The following ZNF385D variants were observed in gnomAD, a reference collection of about 807,000 sequenced individuals.
ZNF385D encodes the protein zinc finger protein 659.
In ZNF385D, 15 loss-of-function variants were observed where a neutral mutation model predicts 35.8. The observed-to-expected ratio is 0.42, with a 90% confidence interval of 0.28 to 0.64. The LOEUF (loss-of-function observed/expected upper bound fraction) is 0.64, where lower values mean the gene tolerates loss of function less well. Ranked by LOEUF, ZNF385D falls within the 30% of genes least tolerant of loss-of-function variation. ZNF385D has a pLI of 0.23. For missense variants in ZNF385D, 474 were observed against 494.6 expected, an observed-to-expected ratio of 0.96 and a Z score of 0.39; for synonymous variants, 212 against 186.8, an observed-to-expected ratio of 1.13 and a Z score of -1.10.
chr3:21,559,155 A>C (rs937779291), intron 3 of ZNF385D, among the ~76,000 whole-genome samples: 1 of 152,090 alleles, frequency 6.6e-6, no homozygotes, highest in African/African-American at 2.4e-5. Flanking sequence ...TGGGGCATCT[A>C]GTCCTTTTAC....
upstream of ZNF385D, among the ~76,000 whole-genome samples, chr3:21,754,209 A>T (rs146437302): frequency 8.0e-4 from 122 of 152,300 alleles, 1 homozygote; most frequent in African/African-American, 2.9e-3. Context: ...ATGAAACCAC[A>T]GCTGATCTTG....
rs1028403312 is a variant in ZNF385D, at chr3:21,592,574, A to G, written c.166-27890T>C. Among the ~76,000 whole-genome samples the G allele has an allele frequency of 5.4e-5, 8 of 148,322 alleles. No individual in the cohort carries two copies. In the East Asian group the frequency reaches 6.1e-4, roughly 11 times the overall value. Reference sequence around the variant, plus strand: ...AAAAAAACCAAAAACAAAAAAAAAAAACAATTATTGCATTATGTGTAATTT... The same window carrying G: ...AAAAAAACCAAAAACAAAAAAAAAAGACAATTATTGCATTATGTGTAATTT... On this transcript the variant is annotated intron_variant, in intron 2 of 7. Coordinates refer to ENST00000281523, the MANE Select transcript of ZNF385D (RefSeq NM_024697.3).
intron 3 of ZNF385D, among the ~76,000 whole-genome samples, chr3:21,969,142 G>A (rs1442286447): frequency 6.6e-6 from 1 of 152,162 alleles, no homozygotes; most frequent in Non-Finnish European, 1.5e-5. Context: ...GTAAAATGGG[G>A]AGGAAAGAAT....
chr3:22,247,183 T>A (rs970575965), intron 2 of ZNF385D, among the ~76,000 whole-genome samples: 3 of 152,156 alleles, frequency 2.0e-5, no homozygotes, highest in Non-Finnish European at 2.9e-5. Context: ...TTATTTCCTA[T>A]TGTTTTTGAT....
rs1333520996 is a variant in ZNF385D, at chr3:21,417,361, C to G, written c.*3853G>C. ...TCAGGGACAAAGTCTACAATAGACTCTGGCTACTCTAAGGCTCCTCATTGC... is the reference window on the plus strand; with the variant it reads ...TCAGGGACAAAGTCTACAATAGACTGTGGCTACTCTAAGGCTCCTCATTGC... On this transcript the variant is annotated 3_prime_UTR_variant, in exon 8 of 8. Coordinates refer to ENST00000281523, the MANE Select transcript of ZNF385D (RefSeq NM_024697.3). 1 of 152,082 alleles carries G rather than the reference C, an allele frequency of 6.6e-6. No homozygotes were observed. Among genetic ancestry groups the G allele is most frequent in the Non-Finnish European group, 1.5e-5 (1 of 67,992 alleles). The allele number at this position is 152,082 out of a possible 1,614,324, so 9.4% of individuals were successfully genotyped here.
At chr3:21,915,641 GA>G (rs1052523498) in intron 3 of ZNF385D, among the ~76,000 whole-genome samples, 12 of 151,270 alleles carry the variant, frequency 7.9e-5, no homozygotes, top group Middle Eastern at 6.8e-3. Context: ...CATACACAAA[GA>G]AAAAAAACAA....
At position 21,693,908 on chromosome 3, in the gene ZNF385D, TCTCA is replaced by T. The variant is rs368098789; in HGVS notation, c.23-28884_23-28881del. On this transcript the variant is annotated intron_variant, in intron 1 of 7. Transcript: ENST00000281523. The stretch of plus-strand genomic sequence containing the variant: ...TTTTTTTTTTTTTTTTGAGACGGAG[TCTCA>T]CTGTCACCCAGGCTGGAGTGCAGTT... Among the ~76,000 whole-genome samples the T allele has an allele frequency of 8.9e-3, 1,277 of 143,898 alleles. 19 individuals are homozygous for T. Among genetic ancestry groups the T allele is most frequent in the African/African-American group, 0.031 (1,194 of 38,742 alleles). 94.4% of individuals were successfully genotyped at this position (143,898 alleles called of 152,430 possible). A position where few individuals can be genotyped will look rare whatever the true frequency, so the allele number is the denominator to read the frequency against.
Position 21,695,058 on chromosome 3 carries a change from T to A in ZNF385D, c.23-30030A>T, listed in dbSNP as rs1253479416. Among the ~76,000 whole-genome samples, 4 of 152,140 alleles carry A rather than the reference T, an allele frequency of 2.6e-5. No homozygotes were observed. The East Asian group carries it at 7.7e-4, about 29-fold the overall frequency. The stretch of plus-strand genomic sequence containing the variant: ...TCTCTGTAAAATGGGAACATTATAT[T>A]GAAGATGAGATATAAGGTATGTGAA... On this transcript the variant is annotated intron_variant, in intron 1 of 7. Coordinates refer to ENST00000281523, the MANE Select transcript of ZNF385D (RefSeq NM_024697.3).
At chr3:22,251,948 G>T (rs1413455433) in intron 2 of ZNF385D, among the ~76,000 whole-genome samples, 2 of 152,016 alleles carry the variant, frequency 1.3e-5, no homozygotes, top group African/African-American at 4.8e-5. Context: ...AGACTAAATG[G>T]ATAATGCTTG....
At chr3:21,905,640 T>C (rs1699646173) in intron 3 of ZNF385D, among the ~76,000 whole-genome samples, 1 of 151,834 alleles carries the variant, frequency 6.6e-6, no homozygotes, top group African/African-American at 2.4e-5. Flanking sequence ...AGGTGGCATT[T>C]CTTTTAATCT....
At chr3:21,840,004 T>C (rs573015882) in intron 3 of ZNF385D, among the ~76,000 whole-genome samples, 45 of 152,064 alleles carry the variant, frequency 3.0e-4, no homozygotes, top group Non-Finnish European at 5.9e-4. Flanking sequence ...TATATTTAGG[T>C]AATTATTTTT....
At chr3:21,952,546 A>C (rs1345391512) in intron 3 of ZNF385D, among the ~76,000 whole-genome samples, 2 of 151,932 alleles carry the variant, frequency 1.3e-5, no homozygotes, top group Admixed American at 1.3e-4. Context: ...TTACTTGATG[A>C]TTTTGGAATC....
intron 2 of ZNF385D, among the ~76,000 whole-genome samples, chr3:21,592,986 G>A (rs1425181793): frequency 3.3e-5 from 5 of 152,148 alleles, no homozygotes; most frequent in African/African-American, 1.2e-4. Context: ...GCTTCTGACC[G>A]ACTTGGAAAT....
chr3:21,744,865 T>A (rs7340657), intron 1 of ZNF385D, among the ~76,000 whole-genome samples: 10,849 of 107,082 alleles, frequency 0.1, 498 homozygotes, highest in Non-Finnish European at 0.16. Flanking sequence ...ATAAAAAAAA[T>A]AATAATAAAA....
At chr3:21,650,239 A>G (rs2065870725) in intron 2 of ZNF385D, among the ~76,000 whole-genome samples, 1 of 152,194 alleles carries the variant, frequency 6.6e-6, no homozygotes, top group Non-Finnish European at 1.5e-5. Context: ...TTAAATATAA[A>G]CAAAGTTCAT....
At chr3:22,103,490 C>T (rs1418497622) in intron 3 of ZNF385D, among the ~76,000 whole-genome samples, 1 of 152,242 alleles carries the variant, frequency 6.6e-6, no homozygotes, top group East Asian at 1.9e-4. Flanking sequence ...CTTGTGTTCT[C>T]AAGCTACCTC....
At chr3:21,571,097 A>AT (rs2063322243) in intron 2 of ZNF385D, among the ~76,000 whole-genome samples, 2 of 152,122 alleles carry the variant, frequency 1.3e-5, no homozygotes, top group Non-Finnish European at 2.9e-5. Context: ...ATACCCTCAT[A>AT]TTTACACCAT....
intron 3 of ZNF385D, among the ~76,000 whole-genome samples, chr3:22,165,796 C>A (rs1328388318): frequency 6.6e-6 from 1 of 152,116 alleles, no homozygotes. Context: ...ACTCTTGCCT[C>A]AACACAACCC....
At chr3:22,016,935 GACACAC>G (rs140018760) in intron 3 of ZNF385D, among the ~76,000 whole-genome samples, 8 of 148,764 alleles carry the variant, frequency 5.4e-5, no homozygotes, top group Non-Finnish European at 7.5e-5. Flanking sequence ...CCATCCATCG[GACACAC>G]ACACACACAC....
Sources: allele counts gnomAD v4.1 joint callset (sites outside exome capture counted in the v4.1 genomes callset), GRCh38; gene constraint gnomAD v4.1.1; transcripts MANE v1.5; gene names NCBI Gene and HGNC (gene_info 2026-07-23, HGNC 2026-07-21).